Variants in SOX5 observed in about 807,000 individuals in gnomAD.
SOX5 encodes SRY-box transcription factor 5.
In SOX5, 9 loss-of-function variants were observed where a neutral mutation model predicts 92.0. The observed-to-expected ratio is 0.10, with a 90% confidence interval of 0.06 to 0.17. SOX5 has a LOEUF of 0.17. Among genes scored for constraint, SOX5 ranks in the 10% least tolerant of loss-of-function variants. The probability of loss-of-function intolerance (pLI) is 1.00; values close to 1 mark genes in which losing one functional copy is unlikely to be tolerated. For missense variants in SOX5, 642 were observed against 944.5 expected (o/e 0.68, Z 4.20); for synonymous variants, 344 against 336.3 (o/e 1.02, Z -0.25).
chr12:24,428,726 C>CAAAAAAAAAAAAAAAAAAA lies in SOX5; in HGVS notation c.-250-60106_-250-60088dup, dbSNP rs57964050. ...GGCAACAGAGTGAGACTCTGTTTCT[C>CAAAAAAAAAAAAAAAAAAA]AAAAAAAAAAAAAAAAAAAAAAAAA... On this transcript the variant is annotated intron_variant, in intron 1 of 4. Transcript: ENST00000446891. Among the ~76,000 whole-genome samples the CAAAAAAAAAAAAAAAAAAA allele has an allele frequency of 1.2e-3, 40 of 32,596 alleles. 8 individuals are homozygous for CAAAAAAAAAAAAAAAAAAA. Among genetic ancestry groups the CAAAAAAAAAAAAAAAAAAA allele is most frequent in the East Asian group, 2.3e-3 (2 of 876 alleles). 21.4% of individuals were successfully genotyped at this position (32,596 alleles called of 152,430 possible). A position where few individuals can be genotyped will look rare whatever the true frequency, so the allele number is the denominator to read the frequency against.
chr12:24,050,423 A>G lies in SOX5; in HGVS notation c.-1-154399T>C, dbSNP rs538736104. Among the ~76,000 whole-genome samples the G allele has an allele frequency of 3.9e-5, 6 of 152,304 alleles. 1 individual carries two copies. Among genetic ancestry groups the G allele is most frequent in the Admixed American group, 2.6e-4 (4 of 15,300 alleles). On this transcript the variant is annotated intron_variant, in intron 4 of 4. Transcript: ENST00000446891. The stretch of plus-strand genomic sequence containing the variant: ...TGACTGGGCTAGCCATTTCAGTGAA[A>G]TAAATGTGAGGGTCTGTTTATATTT...
chr12:23,797,592 A>G (rs1482857117), intron 3 of SOX5, among the ~76,000 whole-genome samples: 1 of 152,060 alleles, frequency 6.6e-6, no homozygotes, highest in Non-Finnish European at 1.5e-5. Flanking sequence ...CAGGAGTGAG[A>G]GCAAATGCCA....
chr12:24,409,541 T>C (rs1963671154), intron 1 of SOX5, among the ~76,000 whole-genome samples: 1 of 152,222 alleles, frequency 6.6e-6, no homozygotes, highest in Non-Finnish European at 1.5e-5. Context: ...GAAAATGTTG[T>C]CTTTTCTCTG....
intron 7 of SOX5, among the ~76,000 whole-genome samples, chr12:23,649,703 G>A (rs531865060): frequency 7.9e-5 from 12 of 151,994 alleles, no homozygotes; most frequent in African/African-American, 2.7e-4. Flanking sequence ...CAAATGATAC[G>A]GCTTATATTA....
intron 8 of SOX5, among the ~76,000 whole-genome samples, chr12:23,626,305 T>C (rs956661805): frequency 6.6e-6 from 1 of 152,164 alleles, no homozygotes; most frequent in Admixed American, 6.5e-5. Flanking sequence ...CAACTTGTCA[T>C]TTACTTATTT....
intron 4 of SOX5, among the ~76,000 whole-genome samples, chr12:24,035,822 C>T (rs1409586753): frequency 6.6e-6 from 1 of 152,028 alleles, no homozygotes; most frequent in Non-Finnish European, 1.5e-5. Context: ...TTTAACTGTA[C>T]AGTACCAAAA....
At chr12:23,936,434 T>C (rs1942572582) in intron 1 of SOX5, among the ~76,000 whole-genome samples, 1 of 151,048 alleles carries the variant, frequency 6.6e-6, no homozygotes, top group Non-Finnish European at 1.5e-5. Flanking sequence ...ACAGTATTCA[T>C]GAGGTAAACA....
chr12:24,032,719 A>G (rs1022978669), intron 4 of SOX5, among the ~76,000 whole-genome samples: 1 of 151,944 alleles, frequency 6.6e-6, no homozygotes, highest in Non-Finnish European at 1.5e-5. Flanking sequence ...TAAGTGAAAG[A>G]GAAGTTATAG....
chr12:23,952,996 C>T (rs945184980), upstream of SOX5, among the ~76,000 whole-genome samples: 1 of 152,080 alleles, frequency 6.6e-6, no homozygotes, highest in Admixed American at 6.5e-5. Flanking sequence ...CTTTAAGTGA[C>T]CTGAAAGGCT....
At chr12:24,507,746 T>C (rs901300385) in intron 1 of SOX5, among the ~76,000 whole-genome samples, 1 of 152,176 alleles carries the variant, frequency 6.6e-6, no homozygotes, top group African/African-American at 2.4e-5. Flanking sequence ...GGTGAAATTG[T>C]ATGGTATCTT....
At chr12:24,316,059 A>G (rs1949668551) in intron 2 of SOX5, among the ~76,000 whole-genome samples, 1 of 152,244 alleles carries the variant, frequency 6.6e-6, no homozygotes, top group Non-Finnish European at 1.5e-5. Context: ...CTGCAGGCAC[A>G]GCCATGCCAG....
At chr12:23,803,057 C>T (rs1221629680) in intron 3 of SOX5, among the ~76,000 whole-genome samples, 4 of 152,246 alleles carry the variant, frequency 2.6e-5, no homozygotes, top group Middle Eastern at 3.4e-3. Context: ...ACTCTTCCTC[C>T]GAATGTGCCA....
chr12:23,673,674 T>C (rs1395753653), intron 6 of SOX5, among the ~76,000 whole-genome samples: 1 of 152,036 alleles, frequency 6.6e-6, no homozygotes, highest in Admixed American at 6.6e-5. Flanking sequence ...CCATGTAATA[T>C]AAAATTAATA....
rs117607379 is a variant in SOX5 at position 24,338,923 on chromosome 12, A to C, written c.-174+29640T>G. The stretch of plus-strand genomic sequence containing the variant: ...TTTTCTTTATAAATTACCCAGTCTC[A>C]GGTATTTCTTCACAGTAGTATGAAA... On this transcript the variant is annotated intron_variant, in intron 2 of 4. Transcript: ENST00000446891. Among the ~76,000 whole-genome samples the C allele has an allele frequency of 4.0e-3, 603 of 152,276 alleles. 17 individuals carry two copies. The East Asian group carries it at 0.066, about 17-fold the overall frequency.
intron 4 of SOX5, among the ~76,000 whole-genome samples, chr12:24,197,968 T>A (rs1957164343): frequency 6.6e-6 from 1 of 152,308 alleles, no homozygotes; most frequent in South Asian, 2.1e-4. Context: ...AACTTGCTCA[T>A]CTGTAAAATG....
intron 1 of SOX5, among the ~76,000 whole-genome samples, chr12:24,472,260 G>A (rs1252689074): frequency 3.9e-5 from 6 of 152,176 alleles, no homozygotes; most frequent in Non-Finnish European, 7.3e-5. Flanking sequence ...ATGGAGCAAA[G>A]GGAATTAGTG....
chr12:23,644,469 T>G (rs1195130277), intron 7 of SOX5, among the ~76,000 whole-genome samples: 2 of 152,218 alleles, frequency 1.3e-5, no homozygotes, highest in Non-Finnish European at 2.9e-5. Context: ...AATCAGAATT[T>G]AAATTTTAAC....
intron 6 of SOX5, among the ~76,000 whole-genome samples, chr12:23,683,660 G>C (rs555787365): frequency 2.2e-4 from 34 of 151,988 alleles, no homozygotes; most frequent in Middle Eastern, 3.4e-3. Flanking sequence ...AAAACTCAAC[G>C]TTTCAATTTA....
At position 24,293,811 on chromosome 12, in the gene SOX5, C is replaced by G. The variant is rs562933868; in HGVS notation, c.-173-16499G>C. 4.6e-5 allele frequency among the ~76,000 whole-genome samples: 7 copies of G among 152,288 alleles called. No individual in the cohort carries two copies. In the East Asian group the frequency reaches 1.3e-3, roughly 29 times the overall value. On this transcript the variant is annotated intron_variant, in intron 2 of 4. Coordinates refer to the SOX5 transcript ENST00000446891. ...TTTCTGAAAATTCTACTTTTCTAAACTATCAGAAAAGGGCTGTTTATGTTA... is the reference window on the plus strand; with the variant it reads ...TTTCTGAAAATTCTACTTTTCTAAAGTATCAGAAAAGGGCTGTTTATGTTA...
Sources: gnomAD v4.1 joint callset for allele counts (sites outside exome capture counted in the v4.1 genomes callset) on GRCh38, gnomAD v4.1.1 for gene constraint, MANE v1.5 for transcripts, NCBI Gene and HGNC (gene_info 2026-07-23, HGNC 2026-07-21) for gene names.